Variants in ZNF263 observed in about 807,000 individuals in gnomAD.
ZNF263 encodes the protein zinc finger protein 263.
ZNF263 carries 49 observed loss-of-function variants against 63.1 expected under a neutral mutation model. The observed-to-expected ratio is 0.78, with a 90% CI of 0.62 to 0.99. The LOEUF (loss-of-function observed/expected upper bound fraction) is 0.99, where lower values mean the gene tolerates loss of function less well. Ranked by LOEUF, ZNF263 falls within the 50% of genes least tolerant of loss-of-function variation. The pLI is 0.00. For missense variants in ZNF263, 872 were observed against 854.8 expected, an observed-to-expected ratio of 1.02 and a Z score of -0.25; for synonymous variants, 352 against 324.2, an observed-to-expected ratio of 1.09 and a Z score of -0.92.
intron 1 of ZNF263, chr16:3,299,026 G>T (rs1466245577): frequency 2.2e-6 from 3 of 1,378,772 alleles, no homozygotes; most frequent in East Asian, 5.4e-5. Flanking sequence ...ATGAGGCCTA[G>T]GTTTCAAAAA....
At chr16:3,299,806 A>G in intron 2 of ZNF263, 1 of 1,586,558 alleles carries the variant, frequency 6.3e-7, no homozygotes, top group South Asian at 1.2e-5. Context: ...CTCAGGAACA[A>G]AGTTTTGAAA....
At position 3,290,823 on chromosome 16, in the gene ZNF263, T is replaced by C; in HGVS notation, c.*265T>C. 8.2e-7 allele frequency: 1 copy of C among 1,218,328 alleles called. No individual in the cohort carries two copies. The allele number at this position is 1,218,328 out of a possible 1,614,324, so 75.5% of individuals were successfully genotyped here. On this transcript the variant is annotated 3_prime_UTR_variant, in exon 6 of 6. Transcript: ENST00000219069. The stretch of plus-strand genomic sequence containing the variant: ...AGTCCACCCTGCCCCAGGGTGCTCC[T>C]ACCCTCTTGGTCTTTTTAAAGCCAA...
In ZNF263 at chr16:3,288,485, C is replaced by T. The variant is rs770089741; in HGVS notation, c.801C>T (p.Gly267=). The change falls in exon 5 of 6, where the codon GGC becomes GGT. Residue 267 remains glycine (G), a synonymous_variant. Coordinates refer to ENST00000219069, the MANE Select transcript of ZNF263 (RefSeq NM_005741.5). ...ESHIPSQEVP[G]TQVGQGGKLW... ...ACATTCCCAGTCAGGAGGTCCCAGG[C>T]ACCCAGGTGGGACAAGGAGGAAAGC... is the stretch of plus-strand genomic sequence containing the variant. 6.8e-6 allele frequency: 11 copies of T among 1,612,726 alleles called. No individual in the cohort carries two copies. The highest frequency in any genetic ancestry group is 9.3e-6 in the Non-Finnish European group (11 of 1,179,200).
chr16:3,283,954 C>G lies in ZNF263; in HGVS notation c.136C>G (p.Arg46Gly). 6.2e-7 allele frequency: 1 copy of G among 1,613,968 alleles called. No homozygotes were observed. Among genetic ancestry groups the G allele is most frequent in the African/African-American group, 1.3e-5 (1 of 75,064 alleles). ...SPEASHLRFR[R>G]FRFQEAAGPR... is the part of the protein sequence containing the mutation. The stretch of plus-strand genomic sequence containing the variant: ...CGAGGCCTCCCACTTGCGCTTCAGA[C>G]GGTTCCGCTTCCAAGAGGCAGCTGG... The change falls in exon 1 of 6, where the codon CGG becomes GGG. Residue 46 changes from arginine (R) to glycine (G), a missense_variant. By Grantham distance (125) the Arg-to-Gly change is moderately radical (BLOSUM62 -2). Transcript: ENST00000219069.
chr16:3,300,129 C>A, intron 2 of ZNF263: 2 of 1,614,248 alleles, frequency 1.2e-6, no homozygotes, highest in South Asian at 2.2e-5. Flanking sequence ...CTTTGATTAT[C>A]ATGGACAGTT....
chr16:3,300,594 A>G (rs754151532), intron 2 of ZNF263: 10 of 1,587,346 alleles, frequency 6.3e-6, no homozygotes, highest in Admixed American at 3.6e-5. Flanking sequence ...TCAGTGTTGT[A>G]TATTTCCCTC....
At chr16:3,297,596 C>T (rs1406102344) in intron 1 of ZNF263, among the ~76,000 whole-genome samples, 1 of 150,658 alleles carries the variant, frequency 6.6e-6, no homozygotes, top group Non-Finnish European at 1.5e-5. Flanking sequence ...TCCCGAGTAG[C>T]TGGGACTACA....
intron 2 of ZNF263, chr16:3,300,881 G>A (rs1380679747): frequency 5.5e-6 from 2 of 366,492 alleles, no homozygotes; most frequent in African/African-American, 2.1e-5. Context: ...TCATTTTTCA[G>A]AATGCCCCCT....
chr16:3,292,677 T>C (rs574140358), downstream of ZNF263, among the ~76,000 whole-genome samples: 4 of 152,230 alleles, frequency 2.6e-5, no homozygotes, highest in Non-Finnish European at 5.9e-5. Flanking sequence ...ACAGATCTTA[T>C]GATGTGGTCC....
In ZNF263 at chr16:3,285,123, G is replaced by A. The variant is rs377570960; in HGVS notation, c.452G>A (p.Arg151Gln). 7 of 1,614,156 alleles carry A rather than the reference G, an allele frequency of 4.3e-6. No individual in the cohort carries two copies. Among genetic ancestry groups the A allele is most frequent in the East Asian group, 2.2e-5 (1 of 44,876 alleles). The change falls in exon 2 of 6, where the codon CGA (arginine) becomes CAA (glutamine). Residue 151 changes from arginine (R) to glutamine (Q), a missense_variant. Physicochemically the swap from Arg to Gln is conservative, Grantham distance 43. Coordinates refer to ENST00000219069, the MANE Select transcript of ZNF263 (RefSeq NM_005741.5). ...GAGCCTTTGCCTCTGGAAACAGCACGAGAGTCACCGAGCTTCAAGCTGGAG... is the reference window on the plus strand; with the variant it reads ...GAGCCTTTGCCTCTGGAAACAGCACAAGAGTCACCGAGCTTCAAGCTGGAG... ...LEEPLPLETA[R>Q]ESPSFKLEPM...
At chr16:3,298,231 T>C (rs1362742195) in intron 1 of ZNF263, among the ~76,000 whole-genome samples, 7 of 152,234 alleles carry the variant, frequency 4.6e-5, no homozygotes. Flanking sequence ...ACCTCTGCTG[T>C]TTACCAGTTT....
At position 3,290,148 on chromosome 16, in the gene ZNF263, T is replaced by A. The variant is rs781516877; in HGVS notation, c.1642T>A (p.Phe548Ile). 9 of 1,614,040 alleles carry A rather than the reference T, an allele frequency of 5.6e-6. No homozygotes were observed. Among genetic ancestry groups the A allele is most frequent in the African/African-American group, 1.3e-5 (1 of 74,926 alleles). The change falls in exon 6 of 6, where the codon TTC becomes ATC. Residue 548 changes from phenylalanine to isoleucine, a missense_variant. Transcript: ENST00000219069. Reference protein sequence around the residue: ...RTHERERLYPFSECGEAVSDS... With the variant: ...RTHERERLYPISECGEAVSDS... ...TCATGAGAGAGAGAGACTTTACCCC[T>A]TCTCTGAGTGTGGGGAAGCTGTGAG...
chr16:3,284,218 G>A lies in ZNF263; in HGVS notation c.387+13G>A. 1 of 1,514,554 alleles carries A rather than the reference G, an allele frequency of 6.6e-7. No homozygotes were observed. Among genetic ancestry groups the A allele is most frequent in the Non-Finnish European group, 8.8e-7 (1 of 1,130,288 alleles). The allele number at this position is 1,514,554 out of a possible 1,614,324, so 93.8% of individuals were successfully genotyped here. A position where few individuals can be genotyped will look rare whatever the true frequency, so the allele number is the denominator to read the frequency against. On this transcript the variant is annotated intron_variant, in intron 1 of 5. Coordinates refer to ENST00000219069, the MANE Select transcript of ZNF263 (RefSeq NM_005741.5). ...ACTGAGACAACAGGTGAGAGAGAGAGAGAGCTGTTTTATCTGTGGTTTGTT... is the reference window on the plus strand; with the variant it reads ...ACTGAGACAACAGGTGAGAGAGAGAAAGAGCTGTTTTATCTGTGGTTTGTT...
At chr16:3,296,746 A>C (rs1355624848) in intron 1 of ZNF263, among the ~76,000 whole-genome samples, 1 of 152,072 alleles carries the variant, frequency 6.6e-6, no homozygotes, top group African/African-American at 2.4e-5. Flanking sequence ...ACTACTAATA[A>C]AAAAGGAACC....
chr16:3,285,293 C>T (rs1373537684), intron 2 of ZNF263, 54 bp downstream of exon 2: 23 of 1,536,794 alleles, frequency 1.5e-5, no homozygotes, highest in African/African-American at 2.8e-5. Flanking sequence ...GGGGGTTGCC[C>T]CCGACACTAG....
intron 4 of ZNF263, among the ~76,000 whole-genome samples, chr16:3,287,666 T>C (rs1457176885): frequency 2.0e-5 from 3 of 152,082 alleles, no homozygotes; most frequent in Non-Finnish European, 4.4e-5. Context: ...GTGGAGGTTT[T>C]TGTTTTTCTT....
rs1178631043 is a variant in ZNF263 at position 3,291,404 on chromosome 16, G to T, written c.*846G>T. 1.0e-6 allele frequency: 1 copy of T among 985,318 alleles called. No individual in the cohort carries two copies. The allele number at this position is 985,318 out of a possible 1,614,324, so 61.0% of individuals were successfully genotyped here. Reference sequence around the variant, plus strand: ...GAATCCTAGGGGGAAATTGGGGATTGTGTCTTTCCCTGTTGAAAATGTTTG... The same window carrying T: ...GAATCCTAGGGGGAAATTGGGGATTTTGTCTTTCCCTGTTGAAAATGTTTG... On this transcript the variant is annotated 3_prime_UTR_variant, in exon 6 of 6. Transcript: ENST00000219069.
downstream of ZNF263, chr16:3,293,015 C>T (rs140602384): frequency 6.6e-6 from 1 of 152,240 alleles, no homozygotes; most frequent in East Asian, 1.9e-4. Flanking sequence ...CTGATGACAT[C>T]TCCTTCCCTT....
Position 3,288,472 on chromosome 16 carries a change from A to C in ZNF263, c.788A>C (p.Gln263Pro). The C allele has an allele frequency of 1.9e-6, 3 of 1,612,120 alleles. No homozygotes were observed. Among genetic ancestry groups the C allele is most frequent in the South Asian group, 1.1e-5 (1 of 91,050 alleles). Reference sequence around the variant, plus strand: ...TGAACAGAGTCTCACATTCCCAGTCAGGAGGTCCCAGGCACCCAGGTGGGA... The same window carrying C: ...TGAACAGAGTCTCACATTCCCAGTCCGGAGGTCCCAGGCACCCAGGTGGGA... Reference protein sequence around the residue: ...VDSLESHIPSQEVPGTQVGQG... With the variant: ...VDSLESHIPSPEVPGTQVGQG... The change falls in exon 5 of 6, where the codon CAG becomes CCG. Residue 263 changes from glutamine to proline, a missense_variant. By Grantham distance (76) the Gln-to-Pro change is moderately conservative (BLOSUM62 -1). Transcript: ENST00000219069.
Sources: allele counts gnomAD v4.1 joint callset (sites outside exome capture counted in the v4.1 genomes callset), GRCh38; gene constraint gnomAD v4.1.1; transcripts MANE v1.5; gene names NCBI Gene and HGNC (gene_info 2026-07-23, HGNC 2026-07-21).